The following MRPS9 variants were observed in gnomAD, a reference collection of about 807,000 sequenced individuals.
The protein encoded by MRPS9 is small ribosomal subunit protein uS9m.
Under a neutral mutation model 59.9 loss-of-function variants are expected in MRPS9, and 45 were observed. The ratio of observed to expected loss-of-function variants is 0.75; its 90% CI spans 0.59 to 0.96. MRPS9 has a LOEUF of 0.96. MRPS9 is among the 40% of genes least tolerant of loss of function. The pLI is 0.00. For synonymous variants in MRPS9, 171 were observed against 166.8 expected, an observed-to-expected ratio of 1.03 and a Z score of -0.19; for missense variants, 473 against 481.1, an observed-to-expected ratio of 0.98 and a Z score of 0.16.
intron 9 of MRPS9, among the ~76,000 whole-genome samples, chr2:105,094,487 C>T (rs917774142): frequency 6.6e-6 from 1 of 152,152 alleles, no homozygotes; most frequent in Non-Finnish European, 1.5e-5. Context: ...CTGTTTCCTG[C>T]ATGTGTTACG....
At position 105,049,835 on chromosome 2, in the gene MRPS9, C is replaced by G. The variant is rs17030580; in HGVS notation, c.315+485C>G. On this transcript the variant is annotated intron_variant, in intron 2 of 10. Transcript: ENST00000258455. Reference sequence around the variant, plus strand: ...TATTCCTGATAAAAGCAGTAATTGTCGATAATATTTTTGCTAGACATCCTA... The same window carrying G: ...TATTCCTGATAAAAGCAGTAATTGTGGATAATATTTTTGCTAGACATCCTA... 3.3e-3 allele frequency among the ~76,000 whole-genome samples: 497 copies of G among 152,076 alleles called. 3 individuals are homozygous for G. The highest frequency in any genetic ancestry group is 0.011 in the African/African-American group (471 of 41,490).
chr2:105,046,587 T>C (rs1000028147), intron 1 of MRPS9, among the ~76,000 whole-genome samples: 1 of 151,896 alleles, frequency 6.6e-6, no homozygotes, highest in Non-Finnish European at 1.5e-5. Context: ...ATTCTCAAAT[T>C]TGAACGCATC....
At chr2:105,099,566 G>GT (rs935985015) in intron 10 of MRPS9, 104 bp from the exon 11 acceptor site, 143 of 1,084,854 alleles carry the variant, frequency 1.3e-4, no homozygotes, top group Middle Eastern at 2.7e-4. Context: ...CTTTCCTCTA[G>GT]TTTTTTTTCT....
intron 2 of MRPS9, among the ~76,000 whole-genome samples, chr2:105,057,900 A>T (rs1679824486): frequency 6.6e-6 from 1 of 152,144 alleles, no homozygotes; most frequent in Non-Finnish European, 1.5e-5. Context: ...TTTGGGAATT[A>T]AAAGTTAAGT....
intron 1 of MRPS9, among the ~76,000 whole-genome samples, chr2:105,044,455 TA>T (rs1319434724): frequency 6.6e-6 from 1 of 152,260 alleles, no homozygotes; most frequent in Non-Finnish European, 1.5e-5. Flanking sequence ...GATGCTGTGA[TA>T]ACTTTGTAAA....
chr2:105,081,282 G>A lies in MRPS9; in HGVS notation c.489+1220G>A, dbSNP rs548040197. On this transcript the variant is annotated intron_variant, in intron 5 of 10. Coordinates refer to ENST00000258455, the MANE Select transcript of MRPS9 (RefSeq NM_182640.3). ...CTGCGTTTTAGCTGTCGGAGGGGATGATGGAGCTGACGCGCTAGGCCTGTC... is the reference window on the plus strand; with the variant it reads ...CTGCGTTTTAGCTGTCGGAGGGGATAATGGAGCTGACGCGCTAGGCCTGTC... Among the ~76,000 whole-genome samples the A allele has an allele frequency of 2.6e-5, 4 of 152,356 alleles. No individual in the cohort carries two copies. The South Asian group carries it at 8.3e-4, about 32-fold the overall frequency.
At chr2:105,043,608 CT>C (rs1296234979) in intron 1 of MRPS9, among the ~76,000 whole-genome samples, 1 of 151,632 alleles carries the variant, frequency 6.6e-6, no homozygotes, top group Non-Finnish European at 1.5e-5. Flanking sequence ...TTTTTCTTTC[CT>C]TTTTTTTAGA....
chr2:105,089,886 A>C, intron 6 of MRPS9, 34 bp from the exon 7 acceptor site: 1 of 1,414,800 alleles, frequency 7.1e-7, no homozygotes, highest in Non-Finnish European at 9.9e-7. Context: ...TTGCATGGCT[A>C]ATTAAAAAGA....
chr2:105,048,684 C>T (rs548961151), intron 1 of MRPS9, among the ~76,000 whole-genome samples: 12 of 151,946 alleles, frequency 7.9e-5, no homozygotes, highest in South Asian at 4.2e-4. Context: ...AAAGATAGGA[C>T]GTATTTTTAC....
chr2:105,099,590 C>T (rs554161461), intron 10 of MRPS9, 80 bp from the exon 11 acceptor site: 4 of 1,361,712 alleles, frequency 2.9e-6, no homozygotes, highest in African/African-American at 2.9e-5. Flanking sequence ...ACAACAGTAC[C>T]TATAAATTTA....
chr2:105,092,192 C>G, intron 7 of MRPS9: 1 of 439,742 alleles, frequency 2.3e-6, no homozygotes, highest in Non-Finnish European at 4.0e-6. Context: ...CTCTTTGTTT[C>G]TTGAAAGAAA....
chr2:105,093,424 AC>A (rs1432286843), intron 8 of MRPS9, 105 bp from the exon 9 acceptor site: 1 of 589,258 alleles, frequency 1.7e-6, no homozygotes, highest in African/African-American at 1.9e-5. Flanking sequence ...TTGCTTATGT[AC>A]AGTGTTGTGT....
At chr2:105,073,762 C>G (rs1288295692) in intron 4 of MRPS9, among the ~76,000 whole-genome samples, 1 of 152,098 alleles carries the variant, frequency 6.6e-6, no homozygotes. Flanking sequence ...TTCAACGAAG[C>G]AAGAATGTTA....
intron 5 of MRPS9, among the ~76,000 whole-genome samples, chr2:105,087,239 G>A (rs1325887445): frequency 6.6e-6 from 1 of 152,054 alleles, no homozygotes; most frequent in Non-Finnish European, 1.5e-5. Context: ...CTAATTGTCA[G>A]ATACATTCCT....
intron 4 of MRPS9, among the ~76,000 whole-genome samples, chr2:105,075,917 C>T (rs1240292749): frequency 6.6e-6 from 1 of 151,776 alleles, no homozygotes; most frequent in Non-Finnish European, 1.5e-5. Flanking sequence ...CAATAGATCC[C>T]ATTAAGTTCA....
chr2:105,059,165 C>T (rs1443345138), intron 2 of MRPS9, among the ~76,000 whole-genome samples: 1 of 149,414 alleles, frequency 6.7e-6, no homozygotes, highest in Non-Finnish European at 1.5e-5. Flanking sequence ...AAACACCTAA[C>T]AACTTTGCCA....
chr2:105,039,257 C>A (rs1466742467), intron 1 of MRPS9, among the ~76,000 whole-genome samples: 1 of 148,990 alleles, frequency 6.7e-6, no homozygotes, highest in East Asian at 2.0e-4. Context: ...TTTGTATGTT[C>A]TTTCCTTTAT....
At chr2:105,096,945 GA>G (rs1558764980) in intron 9 of MRPS9, 2 of 421,822 alleles carry the variant, frequency 4.7e-6, no homozygotes, top group South Asian at 8.2e-5. Context: ...CCAAGCAAAA[GA>G]AATAAATCTT....
At chr2:105,099,327 T>G (rs1680738680) in intron 10 of MRPS9, 1 of 175,568 alleles carries the variant, frequency 5.7e-6, no homozygotes, top group South Asian at 1.6e-4. Flanking sequence ...GCAGGTTAAG[T>G]TCCCTTACAG....
Sources: allele counts gnomAD v4.1 joint callset (sites outside exome capture counted in the v4.1 genomes callset), GRCh38; gene constraint gnomAD v4.1.1; transcripts MANE v1.5; gene names NCBI Gene and HGNC (gene_info 2026-07-23, HGNC 2026-07-21).